Variants in PDE4D observed in about 807,000 individuals in gnomAD.
PDE4D encodes 3',5'-cyclic-AMP phosphodiesterase 4D.
A neutral mutation model predicts 87.4 loss-of-function variants in PDE4D; 24 were observed. That is an observed-to-expected ratio of 0.27 (90% CI 0.20 to 0.39). The LOEUF is 0.39. Ranked by LOEUF, PDE4D falls within the 10% of genes least tolerant of loss-of-function variation. PDE4D has a pLI of 1.00. For missense variants in PDE4D, 714 were observed against 1,041.0 expected (o/e 0.69, Z 4.32); for synonymous variants, 384 against 383.2 (o/e 1.00, Z -0.02).
chr5:59,974,251 TTTAA>T (rs1423282902), intron 3 of PDE4D, among the ~76,000 whole-genome samples: 2 of 152,172 alleles, frequency 1.3e-5, no homozygotes, highest in African/African-American at 2.4e-5. Flanking sequence ...AGCAATAGTG[TTTAA>T]TTCAATTATT....
intron 1 of PDE4D, among the ~76,000 whole-genome samples, chr5:60,448,465 A>T (rs1262882732): frequency 6.6e-6 from 1 of 152,136 alleles, no homozygotes; most frequent in Admixed American, 6.5e-5. Context: ...TTGGCCATCA[A>T]CACTACTCAA....
intron 1 of PDE4D, among the ~76,000 whole-genome samples, chr5:60,465,280 T>C (rs909786810): frequency 2.0e-5 from 3 of 152,194 alleles, no homozygotes; most frequent in African/African-American, 7.2e-5. Flanking sequence ...TCTTGCTCTA[T>C]TGTTCTTTTC....
Position 58,973,365 on chromosome 5 carries a change from C to T in PDE4D, c.*1299G>A, listed in dbSNP as rs772386939. 6.6e-6 allele frequency: 1 copy of T among 152,154 alleles called. No individual in the cohort carries two copies. Among genetic ancestry groups the T allele is most frequent in the Non-Finnish European group, 1.5e-5 (1 of 68,026 alleles). 9.4% of individuals were successfully genotyped at this position (152,154 alleles called of 1,614,324 possible). On this transcript the variant is annotated 3_prime_UTR_variant, in exon 15 of 15. Coordinates refer to ENST00000340635, the MANE Select transcript of PDE4D (RefSeq NM_001104631.2). ...CTAGCAAACATGGATAAGGTTCAGACACACGCTAAATTATAAAGCAGCACA... is the reference window on the plus strand; with the variant it reads ...CTAGCAAACATGGATAAGGTTCAGATACACGCTAAATTATAAAGCAGCACA...
intron 2 of PDE4D, among the ~76,000 whole-genome samples, chr5:60,141,296 C>T (rs1007438607): frequency 5.3e-5 from 8 of 152,088 alleles, no homozygotes; most frequent in African/African-American, 1.7e-4. Context: ...TCTTGAATGA[C>T]GTCATCAGGG....
chr5:59,163,464 T>C (rs1781461101), intron 5 of PDE4D, among the ~76,000 whole-genome samples: 2 of 151,742 alleles, frequency 1.3e-5, no homozygotes, highest in Non-Finnish European at 2.9e-5. Context: ...AGAGACGGGG[T>C]TTCTCCATGT....
rs142016743 is a variant in PDE4D at position 59,631,341 on chromosome 5, C to T, written c.455+261827G>A. 3.6e-4 allele frequency among the ~76,000 whole-genome samples: 55 copies of T among 152,186 alleles called. 1 individual carries two copies. The highest frequency in any genetic ancestry group is 1.3e-3 in the African/African-American group (54 of 41,510). On this transcript the variant is annotated intron_variant, in intron 1 of 14. Transcript: ENST00000340635. ...TCTTCTCTTATCCCTTATGCCCCTG[C>T]CAACAGTTAAAAAAGAGCAACTATT...
intron 3 of PDE4D, among the ~76,000 whole-genome samples, chr5:59,953,999 C>T (rs971784450): frequency 3.9e-5 from 6 of 152,298 alleles, no homozygotes; most frequent in African/African-American, 1.2e-4. Context: ...GATCTCAGCT[C>T]ACTGCAACCT....
chr5:60,399,698 G>A (rs757632988), intron 1 of PDE4D, among the ~76,000 whole-genome samples: 7 of 152,252 alleles, frequency 4.6e-5, no homozygotes, highest in South Asian at 2.1e-4. Flanking sequence ...CCAAGCAACC[G>A]TATCCAAGGC....
intron 1 of PDE4D, among the ~76,000 whole-genome samples, chr5:59,843,796 G>A (rs950118408): frequency 6.6e-6 from 1 of 152,018 alleles, no homozygotes; most frequent in Non-Finnish European, 1.5e-5. Context: ...ACCCCATCCA[G>A]GAAGGAGCTA....
intron 12 of PDE4D, 82 bp from the exon 13 acceptor site, chr5:58,976,554 A>G: frequency 8.8e-7 from 1 of 1,138,428 alleles, no homozygotes; most frequent in Non-Finnish European, 1.3e-6. Context: ...AAGAATGAAA[A>G]AGGAATAAAA....
At chr5:59,130,194 T>C (rs552461351) in intron 5 of PDE4D, among the ~76,000 whole-genome samples, 2 of 152,308 alleles carry the variant, frequency 1.3e-5, no homozygotes, top group African/African-American at 2.4e-5. Flanking sequence ...TCACTGAGTA[T>C]CTGATTATAA....
chr5:60,347,130 AG>A (rs1332811537), intron 1 of PDE4D, among the ~76,000 whole-genome samples: 1 of 152,088 alleles, frequency 6.6e-6, no homozygotes, highest in Non-Finnish European at 1.5e-5. Flanking sequence ...TATTTTCAGT[AG>A]GGTGGACAGG....
At chr5:59,877,683 G>A (rs979873650) in intron 1 of PDE4D, among the ~76,000 whole-genome samples, 1 of 151,830 alleles carries the variant, frequency 6.6e-6, no homozygotes, top group Non-Finnish European at 1.5e-5. Flanking sequence ...CTGGGCATTG[G>A]TGGCACACAA....
chr5:60,100,749 G>T (rs1227884221), intron 2 of PDE4D, among the ~76,000 whole-genome samples: 1 of 152,000 alleles, frequency 6.6e-6, no homozygotes, highest in Non-Finnish European at 1.5e-5. Flanking sequence ...TGCACTAAAT[G>T]GTTTCATCAT....
intron 1 of PDE4D, among the ~76,000 whole-genome samples, chr5:60,248,151 T>C (rs1748013927): frequency 6.6e-6 from 1 of 151,878 alleles, no homozygotes; most frequent in Non-Finnish European, 1.5e-5. Flanking sequence ...CTATTTTAGA[T>C]AGCATGGCCA....
chr5:59,243,107 A>C (rs1173187725), intron 1 of PDE4D, among the ~76,000 whole-genome samples: 1 of 152,176 alleles, frequency 6.6e-6, no homozygotes, highest in African/African-American at 2.4e-5. Flanking sequence ...AACCAGATTG[A>C]GTAAAATGAT....
intron 2 of PDE4D, among the ~76,000 whole-genome samples, chr5:60,040,824 T>C (rs139106235): frequency 1.9e-3 from 295 of 152,314 alleles, no homozygotes; most frequent in African/African-American, 6.8e-3. Flanking sequence ...TCTTGTTCCA[T>C]TTACTGAAAA....
At chr5:60,402,850 A>G (rs1007786152) in intron 1 of PDE4D, among the ~76,000 whole-genome samples, 5 of 152,138 alleles carry the variant, frequency 3.3e-5, no homozygotes, top group African/African-American at 1.2e-4. Flanking sequence ...TTATGCTCTT[A>G]TTATCAGGCA....
chr5:60,271,088 T>A (rs1346189859), intron 1 of PDE4D, among the ~76,000 whole-genome samples: 2 of 152,202 alleles, frequency 1.3e-5, no homozygotes, highest in Admixed American at 6.5e-5. Flanking sequence ...ATGATAAAGC[T>A]ATTACATATG....
Sources: allele counts gnomAD v4.1 joint callset (sites outside exome capture counted in the v4.1 genomes callset), GRCh38; gene constraint gnomAD v4.1.1; transcripts MANE v1.5; gene names NCBI Gene and HGNC (gene_info 2026-07-23, HGNC 2026-07-21).